PRKAA2: variants seen among roughly 807,000 people sequenced by gnomAD.
PRKAA2 encodes the protein protein kinase AMP-activated catalytic subunit alpha 2.
PRKAA2 carries 40 observed loss-of-function variants against 56.3 expected under a neutral mutation model. That is an observed-to-expected ratio of 0.71 (90% CI 0.55 to 0.92). PRKAA2 has a LOEUF of 0.92. PRKAA2 is among the 40% of genes least tolerant of loss of function. PRKAA2 has a pLI of 0.00. For synonymous variants in PRKAA2, 214 were observed against 234.2 expected, an observed-to-expected ratio of 0.91 and a Z score of 0.79; for missense variants, 542 against 686.9, an observed-to-expected ratio of 0.79 and a Z score of 2.36.
intron 1 of PRKAA2, among the ~76,000 whole-genome samples, chr1:56,656,377 C>T (rs1643942691): frequency 1.3e-5 from 2 of 152,110 alleles, no homozygotes; most frequent in Non-Finnish European, 2.9e-5. Flanking sequence ...TTTCTCTGGA[C>T]ATAGACTAAG....
rs1282111922 is a variant in PRKAA2 at position 56,713,564 on chromosome 1, C to T, written c.*5851C>T. 2 of 151,994 alleles carry T rather than the reference C, an allele frequency of 1.3e-5. No individual in the cohort carries two copies. The highest frequency in any genetic ancestry group is 4.8e-5 in the African/African-American group (2 of 41,402). 9.4% of individuals were successfully genotyped at this position (151,994 alleles called of 1,614,324 possible). A position where few individuals can be genotyped will look rare whatever the true frequency, so the allele number is the denominator to read the frequency against. ...AAAAAGAATTTGGAGAATATCCTGG[C>T]ATGAAAACTTTTTTGAATAATACGT... On this transcript the variant is annotated 3_prime_UTR_variant, in exon 9 of 9. Coordinates refer to ENST00000371244, the MANE Select transcript of PRKAA2 (RefSeq NM_006252.4).
Position 56,706,134 on chromosome 1 carries a change from G to A in PRKAA2, c.1336G>A (p.Val446Met). The stretch of plus-strand genomic sequence containing the variant: ...TCTTCGTGTAAGAAGAAAAAATCCA[G>A]TGACTGGCAATTACGTGAAAATGAG... ...YHLRVRRKNPVTGNYVKMSLQ... is the reference protein window; with the variant it reads ...YHLRVRRKNPMTGNYVKMSLQ... The change falls in exon 8 of 9, where the codon GTG becomes ATG. Residue 446 changes from valine to methionine, a missense_variant. Val to Met is a conservative substitution (Grantham distance 21). Around this residue, in one of 5 missense-constraint regions of PRKAA2, gnomAD observed 158 missense variants for 166.1 expected, o/e 0.95. Coordinates refer to ENST00000371244, the MANE Select transcript of PRKAA2 (RefSeq NM_006252.4). The A allele has an allele frequency of 1.2e-6, 2 of 1,612,998 alleles. No homozygotes were observed. Among genetic ancestry groups the A allele is most frequent in the Non-Finnish European group, 1.7e-6 (2 of 1,179,094 alleles).
chr1:56,702,977 A>G (rs1368177544), intron 6 of PRKAA2, among the ~76,000 whole-genome samples: 1 of 152,246 alleles, frequency 6.6e-6, no homozygotes, highest in East Asian at 1.9e-4. Context: ...TAAATTAATC[A>G]GTGAATAGAA....
chr1:56,645,970 G>T (rs1030543373), intron 1 of PRKAA2, among the ~76,000 whole-genome samples: 1 of 152,166 alleles, frequency 6.6e-6, no homozygotes, highest in Non-Finnish European at 1.5e-5. Context: ...CAGTGACTTG[G>T]TCAACATGTT....
Position 56,683,006 on chromosome 1 carries a change from A to G in PRKAA2, c.237-8388A>G, listed in dbSNP as rs1352490279. 2.0e-5 allele frequency among the ~76,000 whole-genome samples: 3 copies of G among 149,066 alleles called. No homozygotes were observed. In the Admixed American group the frequency reaches 2.0e-4, roughly 10 times the overall value. On this transcript the variant is annotated intron_variant, in intron 2 of 8. Transcript: ENST00000371244. The stretch of plus-strand genomic sequence containing the variant: ...AGATGGAGAGAAATGGATGGATTTG[A>G]TATGTATTTTGGAGGGAGAACTAAT...
intron 5 of PRKAA2, among the ~76,000 whole-genome samples, chr1:56,695,461 G>C (rs1349633826): frequency 1.3e-5 from 2 of 151,992 alleles, no homozygotes; most frequent in Non-Finnish European, 2.9e-5. Flanking sequence ...AAAGTACTAG[G>C]ATTACAGGTG....
At chr1:56,656,147 C>A (rs938806042) in intron 1 of PRKAA2, among the ~76,000 whole-genome samples, 1 of 151,918 alleles carries the variant, frequency 6.6e-6, no homozygotes, top group Admixed American at 6.6e-5. Flanking sequence ...GATTAGATTC[C>A]ATTGAAGAGA....
chr1:56,670,188 A>G (rs1644065135), intron 1 of PRKAA2, among the ~76,000 whole-genome samples: 1 of 152,232 alleles, frequency 6.6e-6, no homozygotes, highest in African/African-American at 2.4e-5. Context: ...GGAAATTTGA[A>G]CTAGATTCCA....
At chr1:56,701,948 A>G (rs1644297066) in intron 6 of PRKAA2, among the ~76,000 whole-genome samples, 1 of 152,156 alleles carries the variant, frequency 6.6e-6, no homozygotes, top group African/African-American at 2.4e-5. Flanking sequence ...AAAATCAACA[A>G]CTAAAAGAAT....
intron 2 of PRKAA2, among the ~76,000 whole-genome samples, chr1:56,677,884 A>G (rs1440382392): frequency 6.6e-6 from 1 of 152,026 alleles, no homozygotes; most frequent in Non-Finnish European, 1.5e-5. Context: ...TCGACCTCCT[A>G]AGCTCAAAAC....
In PRKAA2 at chr1:56,704,320, G is replaced by A; in HGVS notation, c.1138G>A (p.Ala380Thr). 2 of 1,614,088 alleles carry A rather than the reference G, an allele frequency of 1.2e-6. No individual in the cohort carries two copies. Among genetic ancestry groups the A allele is most frequent in the Non-Finnish European group, 1.7e-6 (2 of 1,180,018 alleles). Residue 380 changes from alanine to threonine, a missense_variant, in exon 7 of 9, where the codon GCA becomes ACA. Transcript: ENST00000371244. ...MPPLIADSPK[A>T]RCPLDALNTT... is the part of the protein sequence containing the mutation. ...ACCTCTTATAGCAGACAGCCCCAAAGCAAGATGTCCATTGGATGCACTGAA... is the reference window on the plus strand; with the variant it reads ...ACCTCTTATAGCAGACAGCCCCAAAACAAGATGTCCATTGGATGCACTGAA...
chr1:56,687,533 A>G (rs1263257068), intron 2 of PRKAA2, among the ~76,000 whole-genome samples: 1 of 152,110 alleles, frequency 6.6e-6, no homozygotes, highest in East Asian at 1.9e-4. Context: ...GCGGATCCCT[A>G]TATTAATTAG....
intron 1 of PRKAA2, among the ~76,000 whole-genome samples, chr1:56,658,365 TGGAATAAGAGAGA>T: frequency 6.6e-6 from 1 of 151,980 alleles, no homozygotes; most frequent in Admixed American, 6.6e-5. Context: ...ATGAAGCATG[TGGAATAAGAGAGA>T]CAAAAAGAAA....
chr1:56,687,102 TCA>T (rs1644196426), intron 2 of PRKAA2, among the ~76,000 whole-genome samples: 1 of 152,118 alleles, frequency 6.6e-6, no homozygotes, highest in African/African-American at 2.4e-5. Flanking sequence ...CAGGCTGGTC[TCA>T]GACTCTCGAC....
chr1:56,694,848 A>G (rs1020118450), intron 5 of PRKAA2, among the ~76,000 whole-genome samples: 3 of 152,134 alleles, frequency 2.0e-5, no homozygotes, highest in Non-Finnish European at 4.4e-5. Context: ...AATACAGCAA[A>G]TGATGTAAAC....
intron 7 of PRKAA2, among the ~76,000 whole-genome samples, chr1:56,705,857 C>T (rs1281660947): frequency 6.6e-6 from 1 of 152,152 alleles, no homozygotes; most frequent in African/African-American, 2.4e-5. Context: ...CTTTATCTTT[C>T]ACTTTTTTCT....
chr1:56,649,094 C>G (rs1646666946), intron 1 of PRKAA2, among the ~76,000 whole-genome samples: 1 of 152,086 alleles, frequency 6.6e-6, no homozygotes, highest in Non-Finnish European at 1.5e-5. Flanking sequence ...ATTTTATGGA[C>G]TATGCTCTTG....
intron 1 of PRKAA2, among the ~76,000 whole-genome samples, chr1:56,657,964 A>G (rs1643959054): frequency 1.3e-5 from 2 of 152,168 alleles, no homozygotes; most frequent in African/African-American, 4.8e-5. Context: ...ATACAAAATA[A>G]TATCTTGCGA....
chr1:56,674,450 T>C lies in PRKAA2; in HGVS notation c.164T>C (p.Leu55Ser). ...KILNRQKIRS[L>S]DVVGKIKREI... ...TTAAATAGACAGAAGATTCGCAGTT[T>C]AGATGTTGTTGGAAAAATAAAACGA... is the stretch of plus-strand genomic sequence containing the variant. Residue 55 changes from leucine to serine, a missense_variant, in exon 2 of 9, where the codon TTA becomes TCA. Physicochemically the swap from Leu to Ser is moderately radical, Grantham distance 145. This residue lies in a region of PRKAA2 where 121 missense variants were observed against 210.0 expected (regional missense o/e 0.58). Transcript: ENST00000371244. 6.3e-7 allele frequency: 1 copy of C among 1,579,350 alleles called. No individual in the cohort carries two copies.
Sources: gnomAD v4.1 joint callset for allele counts (sites outside exome capture counted in the v4.1 genomes callset) on GRCh38, gnomAD v4.1.1 for gene constraint, gnomAD v4.1.1 regional missense constraint, MANE v1.5 for transcripts, NCBI Gene and HGNC (gene_info 2026-07-23, HGNC 2026-07-21) for gene names.